The following RHOH variants were observed in gnomAD, a reference collection of about 807,000 sequenced individuals.
RHOH encodes the protein rho-related GTP-binding protein RhoH.
RHOH carries 6 observed loss-of-function variants against 13.8 expected under a neutral mutation model. The ratio of observed to expected loss-of-function variants is 0.44; its 90% CI spans 0.24 to 0.86. The LOEUF is 0.86. Among genes scored for constraint, RHOH ranks in the 40% least tolerant of loss-of-function variants. The probability of loss-of-function intolerance (pLI) is 0.24; values close to 1 mark genes in which losing one functional copy is unlikely to be tolerated. For synonymous variants in RHOH, 117 were observed against 103.0 expected (o/e 1.14, Z -0.82); for missense variants, 147 against 244.5 (o/e 0.60, Z 2.66).
chr4:40,245,561 A>T lies in RHOH; in HGVS notation c.*1599A>T, dbSNP rs1729716021. ...CTCAAAAAAAAAAAAAAGAAAAGAA[A>T]AAAAAGAAAGAAATTGCAAAGGCTG... On this transcript the variant is annotated 3_prime_UTR_variant, in exon 3 of 3. Transcript: ENST00000381799. 1 of 148,498 alleles carries T rather than the reference A, an allele frequency of 6.7e-6. No homozygotes were observed. The highest frequency in any genetic ancestry group is 2.2e-4 in the South Asian group (1 of 4,612). The allele number at this position is 148,498 out of a possible 1,614,324, so 9.2% of individuals were successfully genotyped here.
intron 1 of RHOH, chr4:40,200,584 GA>G: frequency 6.6e-6 from 1 of 152,270 alleles, no homozygotes; most frequent in African/African-American, 2.4e-5. Flanking sequence ...AATAAGTGCT[GA>G]AATGAGGCAA....
intron 1 of RHOH, among the ~76,000 whole-genome samples, chr4:40,239,810 G>A (rs1234986306): frequency 6.6e-6 from 1 of 151,998 alleles, no homozygotes; most frequent in Non-Finnish European, 1.5e-5. Context: ...CCCGGGAGTT[G>A]GAGGTTGCAG....
intron 1 of RHOH, among the ~76,000 whole-genome samples, chr4:40,229,634 CAAA>C (rs367803825): frequency 9.5e-5 from 6 of 62,874 alleles, no homozygotes; most frequent in Admixed American, 1.8e-4. Flanking sequence ...AACGCCATCT[CAAA>C]AAAAAAAAAA....
At chr4:40,240,546 G>A (rs1159562966) in intron 1 of RHOH, among the ~76,000 whole-genome samples, 1 of 152,162 alleles carries the variant, frequency 6.6e-6, no homozygotes, top group African/African-American at 2.4e-5. Flanking sequence ...GGAGGCCAAG[G>A]CGGGTGGATC....
intron 1 of RHOH, among the ~76,000 whole-genome samples, chr4:40,232,804 C>G (rs1231634652): frequency 1.3e-5 from 2 of 152,128 alleles, no homozygotes; most frequent in African/African-American, 4.8e-5. Context: ...TTTTCATGCC[C>G]CTGGGCCTTT....
In RHOH at chr4:40,218,453, AG is replaced by A. The variant is rs1726145229; in HGVS notation, c.-331+21156del. Among the ~76,000 whole-genome samples the A allele has an allele frequency of 6.6e-6, 1 of 152,218 alleles. No individual in the cohort carries two copies. Among genetic ancestry groups the A allele is most frequent in the African/African-American group, 2.4e-5 (1 of 41,452 alleles). ...CAGTCTTGGAAATCAGACACGTGCT[AG>A]GGCCCCCTGTGCTTAGCTCGGCTAA... is the stretch of plus-strand genomic sequence containing the variant. On this transcript the variant is annotated intron_variant, in intron 1 of 2. Coordinates refer to ENST00000381799, the MANE Select transcript of RHOH (RefSeq NM_004310.5). The surrounding 1 kb of genome is among the most constrained non-coding windows in gnomAD (Gnocchi z 4.1).
At chr4:40,230,107 C>A (rs1319804995) in intron 1 of RHOH, among the ~76,000 whole-genome samples, 2 of 151,994 alleles carry the variant, frequency 1.3e-5, no homozygotes, top group Non-Finnish European at 2.9e-5. Context: ...TGCAGTGGCA[C>A]GATCCCCCCT....
chr4:40,212,688 C>T (rs2109408820), intron 1 of RHOH: 1 of 152,272 alleles, frequency 6.6e-6, no homozygotes, highest in South Asian at 2.1e-4. Flanking sequence ...CAACAAAGTA[C>T]CAAACCTCAA....
At chr4:40,221,314 T>C (rs554531058) in intron 1 of RHOH, among the ~76,000 whole-genome samples, 5 of 152,188 alleles carry the variant, frequency 3.3e-5, no homozygotes, top group Non-Finnish European at 7.3e-5. Context: ...GGTTGCTTTT[T>C]TTCAGTTACT....
intron 1 of RHOH, among the ~76,000 whole-genome samples, chr4:40,231,246 G>A (rs756768566): frequency 1.1e-3 from 159 of 150,660 alleles, no homozygotes; most frequent in Middle Eastern, 3.4e-3. Context: ...GAATAGACCC[G>A]TACGATGTTA....
intron 1 of RHOH, among the ~76,000 whole-genome samples, chr4:40,211,489 G>A (rs997921786): frequency 4.6e-5 from 7 of 152,258 alleles, no homozygotes; most frequent in African/African-American, 1.4e-4. Flanking sequence ...GGCCAGGCTG[G>A]TCTTGAACTC....
chr4:40,193,622 C>G (rs1339796894), upstream of RHOH: 1 of 152,622 alleles, frequency 6.6e-6, no homozygotes, highest in Non-Finnish European at 1.5e-5. Context: ...TGTCCCCTCC[C>G]CCTAAGAAAA....
At chr4:40,208,731 A>G (rs1486792152) in intron 1 of RHOH, among the ~76,000 whole-genome samples, 1 of 152,302 alleles carries the variant, frequency 6.6e-6, no homozygotes, top group African/African-American at 2.4e-5. Context: ...AAGGTGTTTT[A>G]TTATAAAAGC....
intron 1 of RHOH, chr4:40,235,419 G>A (rs7669035): frequency 0.65 from 88,147 of 136,282 alleles, 30,123 homozygotes; most frequent in Non-Finnish European, 0.71. Flanking sequence ...GTGAAACCCC[G>A]TCTCTACTAA....
chr4:40,210,431 C>T lies in RHOH; in HGVS notation c.-331+13131C>T, dbSNP rs545948658. On this transcript the variant is annotated intron_variant, in intron 1 of 2. Coordinates refer to ENST00000381799, the MANE Select transcript of RHOH (RefSeq NM_004310.5). ...TTCTAGCCATGTACTCCATTCAAGA[C>T]GCACGGGAAGGTTGGGGTGGAAAGG... Among the ~76,000 whole-genome samples, 4 of 152,222 alleles carry T rather than the reference C, an allele frequency of 2.6e-5. No individual in the cohort carries two copies. The East Asian group carries it at 5.8e-4, about 22-fold the overall frequency.
At chr4:40,203,271 C>T (rs946889065) in intron 1 of RHOH, among the ~76,000 whole-genome samples, 3 of 152,218 alleles carry the variant, frequency 2.0e-5, no homozygotes, top group African/African-American at 7.2e-5. Flanking sequence ...CGCGCCCGGC[C>T]AGTTCTCAAG....
intron 1 of RHOH, among the ~76,000 whole-genome samples, chr4:40,211,738 A>G (rs1725296418): frequency 1.3e-5 from 2 of 152,232 alleles, no homozygotes; most frequent in South Asian, 4.1e-4. Flanking sequence ...TAGTTCTGAT[A>G]GTTCCGTTAG....
In RHOH at chr4:40,243,174, C is replaced by G. The variant is rs1016878217; in HGVS notation, c.-209-4C>G. ...TCATTTTCCCCCTTCTCTTTCTGTT[C>G]CAGTTGAAGACTAGGCTTTGGAGGT... On this transcript the variant is annotated splice_region_variant and splice_polypyrimidine_tract_variant and intron_variant, in intron 2 of 2. Transcript: ENST00000381799. This position sits in a 1 kb window ranked among gnomAD's most constrained non-coding sequence, Gnocchi z 6.2. 2.2e-6 allele frequency: 1 copy of G among 449,790 alleles called. No homozygotes were observed. Among genetic ancestry groups the G allele is most frequent in the Non-Finnish European group, 4.0e-6 (1 of 251,228 alleles). The allele number at this position is 449,790 out of a possible 1,614,324, so 27.9% of individuals were successfully genotyped here.
chr4:40,213,018 T>C (rs925851405), intron 1 of RHOH, among the ~76,000 whole-genome samples: 12 of 152,204 alleles, frequency 7.9e-5, no homozygotes, highest in South Asian at 2.1e-4. Context: ...TATCATCTTA[T>C]CAGATTTTTC....
Sources: gnomAD v4.1 joint callset for allele counts (sites outside exome capture counted in the v4.1 genomes callset) on GRCh38, gnomAD v4.1.1 for gene constraint, Gnocchi (gnomAD v3.1) non-coding constraint, MANE v1.5 for transcripts, NCBI Gene and HGNC (gene_info 2026-07-23, HGNC 2026-07-21) for gene names.